Variants in LIMS1 observed in about 807,000 individuals in gnomAD.
LIMS1 encodes LIM zinc finger domain containing 1.
In LIMS1, 18 loss-of-function variants were observed where a neutral mutation model predicts 44.1. That is an observed-to-expected ratio of 0.41 (90% CI 0.28 to 0.61). The LOEUF (loss-of-function observed/expected upper bound fraction) is 0.61, where lower values mean the gene tolerates loss of function less well. Among genes scored for constraint, LIMS1 ranks in the 20% least tolerant of loss-of-function variants. The pLI, the probability that LIMS1 is intolerant of heterozygous loss-of-function variation, is 0.32. For synonymous variants in LIMS1, 93 were observed against 149.1 expected (o/e 0.62, Z 2.74); for missense variants, 201 against 422.0 (o/e 0.48, Z 4.59).
At chr2:108,636,023 G>C (rs1400643553) in intron 1 of LIMS1, among the ~76,000 whole-genome samples, 1 of 152,200 alleles carries the variant, frequency 6.6e-6, no homozygotes, top group Non-Finnish European at 1.5e-5. Flanking sequence ...TATAAAGATA[G>C]AATTACTAAC....
chr2:108,601,323 C>G (rs1182729424), intron 1 of LIMS1, among the ~76,000 whole-genome samples: 1 of 152,118 alleles, frequency 6.6e-6, no homozygotes, highest in African/African-American at 2.4e-5. Flanking sequence ...AGCCTGGGCT[C>G]CAGAGTCAGA....
chr2:108,596,878 A>C (rs1348762080), intron 1 of LIMS1, among the ~76,000 whole-genome samples: 6 of 149,498 alleles, frequency 4.0e-5, no homozygotes, highest in Admixed American at 4.0e-4. Context: ...AACTTGAAGT[A>C]CTTGGGATGG....
chr2:108,574,944 T>G (rs1434368508), intron 1 of LIMS1, among the ~76,000 whole-genome samples: 3 of 152,210 alleles, frequency 2.0e-5, no homozygotes, highest in Non-Finnish European at 4.4e-5. Flanking sequence ...TTCAGATTTT[T>G]GGTCATTGGG....
chr2:108,570,402 C>T (rs1027399774), intron 1 of LIMS1, among the ~76,000 whole-genome samples: 9 of 152,160 alleles, frequency 5.9e-5, no homozygotes, highest in African/African-American at 1.9e-4. Context: ...TGCATTCCAG[C>T]CTGGGCAGCA....
At chr2:108,554,006 A>G (rs915918609) in intron 1 of LIMS1, among the ~76,000 whole-genome samples, 2 of 152,202 alleles carry the variant, frequency 1.3e-5, no homozygotes, top group African/African-American at 2.4e-5. Context: ...AGACTCAGGA[A>G]ATACTTGTTT....
chr2:108,637,063 A>G (rs1409749191), intron 1 of LIMS1, among the ~76,000 whole-genome samples: 5 of 151,982 alleles, frequency 3.3e-5, no homozygotes, highest in Non-Finnish European at 7.4e-5. Context: ...TAATGAAAGA[A>G]AAGAAACCTT....
At chr2:108,579,619 C>T (rs536166889) in intron 1 of LIMS1, among the ~76,000 whole-genome samples, 3 of 152,190 alleles carry the variant, frequency 2.0e-5, no homozygotes, top group Non-Finnish European at 4.4e-5. Flanking sequence ...TATTTTTAAA[C>T]TTGTGTTACA....
intron 1 of LIMS1, among the ~76,000 whole-genome samples, chr2:108,620,056 G>A (rs1270360234): frequency 6.6e-6 from 1 of 152,118 alleles, no homozygotes; most frequent in East Asian, 1.9e-4. Context: ...TGTTTGAATG[G>A]CAATTATGAA....
intron 1 of LIMS1, among the ~76,000 whole-genome samples, chr2:108,599,414 AC>A (rs1364043978): frequency 7.2e-5 from 11 of 152,114 alleles, no homozygotes; most frequent in Non-Finnish European, 1.6e-4. Context: ...GTATATAAGT[AC>A]CACATTTTTT....
chr2:108,607,234 T>A, intron 1 of LIMS1: 1 of 1,551,096 alleles, frequency 6.4e-7, no homozygotes, highest in Non-Finnish European at 8.7e-7. Flanking sequence ...GAGGGACACA[T>A]CGAATCAAGA....
rs190253133 is a variant in LIMS1 at position 108,676,116 on chromosome 2, G to A, written c.681+88G>A. 1.0e-5 allele frequency: 15 copies of A among 1,434,456 alleles called. No individual in the cohort carries two copies. The South Asian group carries it at 2.0e-4, about 19-fold the overall frequency. The allele number at this position is 1,434,456 out of a possible 1,614,324, so 88.9% of individuals were successfully genotyped here. A position where few individuals can be genotyped will look rare whatever the true frequency, so the allele number is the denominator to read the frequency against. ...ATACTTTCAGATCTCCCATGATTCA[G>A]GGGTAACCAGTACTTTCAAATCTTC... On this transcript the variant is annotated intron_variant, in intron 6 of 9. Coordinates refer to ENST00000544547, the Ensembl canonical transcript of LIMS1.
At chr2:108,660,384 A>G (rs1463989861) in intron 2 of LIMS1, 7 of 453,008 alleles carry the variant, frequency 1.5e-5, no homozygotes, top group South Asian at 3.2e-5. Flanking sequence ...CTTCCTTTGT[A>G]GTGTATTTGG....
At chr2:108,552,420 A>T (rs60822966) in intron 1 of LIMS1, among the ~76,000 whole-genome samples, 5,126 of 145,088 alleles carry the variant, frequency 0.035, 315 homozygotes, top group African/African-American at 0.12. Context: ...CTATAATTGT[A>T]TATAGTTAAA....
intron 1 of LIMS1, among the ~76,000 whole-genome samples, chr2:108,546,160 T>C (rs1446067096): frequency 6.6e-6 from 1 of 152,124 alleles, no homozygotes; most frequent in Non-Finnish European, 1.5e-5. Flanking sequence ...GGTATCTAGA[T>C]AGTCCTTCAC....
chr2:108,648,541 C>T (rs910993046), intron 1 of LIMS1, among the ~76,000 whole-genome samples: 1 of 152,196 alleles, frequency 6.6e-6, no homozygotes, highest in Non-Finnish European at 1.5e-5. Context: ...AGGCATCACG[C>T]TACCTGACTT....
chr2:108,656,467 CTT>C (rs1269204803), intron 1 of LIMS1, among the ~76,000 whole-genome samples: 3 of 152,170 alleles, frequency 2.0e-5, no homozygotes, highest in Non-Finnish European at 4.4e-5. Flanking sequence ...TCACTAATGA[CTT>C]TTTTAAAGTA....
chr2:108,537,751 T>A (rs751356479), intron 1 of LIMS1, among the ~76,000 whole-genome samples: 1 of 152,238 alleles, frequency 6.6e-6, no homozygotes, highest in Non-Finnish European at 1.5e-5. Context: ...CCTTTTCCCT[T>A]TGCTGTAGCC....
intron 1 of LIMS1, among the ~76,000 whole-genome samples, chr2:108,609,607 T>G (rs1012974725): frequency 6.6e-6 from 1 of 152,218 alleles, no homozygotes; most frequent in Non-Finnish European, 1.5e-5. Context: ...TCTTTCACAA[T>G]GTAACATATC....
Position 108,570,468 on chromosome 2 carries a change from A to G in LIMS1, c.32+35874A>G, listed in dbSNP as rs111323586. On this transcript the variant is annotated intron_variant, in intron 1 of 9. Coordinates refer to ENST00000544547, the Ensembl canonical transcript of LIMS1. ...AATACTATATTCTCTTTGGCTATGAAGAGACCAGCTTTCCAGAAACCCAGG... is the reference window on the plus strand; with the variant it reads ...AATACTATATTCTCTTTGGCTATGAGGAGACCAGCTTTCCAGAAACCCAGG... Among the ~76,000 whole-genome samples, 897 of 152,266 alleles carry G rather than the reference A, an allele frequency of 5.9e-3. 7 individuals are homozygous for G. Among genetic ancestry groups the G allele is most frequent in the Non-Finnish European group, 6.6e-3 (450 of 68,022 alleles).
Sources: gnomAD v4.1 joint callset for allele counts (sites outside exome capture counted in the v4.1 genomes callset) on GRCh38, gnomAD v4.1.1 for gene constraint, MANE v1.5 for transcripts, NCBI Gene and HGNC (gene_info 2026-07-23, HGNC 2026-07-21) for gene names.